STRN3: variants seen among roughly 807,000 people sequenced by gnomAD.
The protein encoded by STRN3 is striatin-3.
STRN3 carries 29 observed loss-of-function variants against 95.6 expected under a neutral mutation model. The ratio of observed to expected loss-of-function variants is 0.30; its 90% CI spans 0.23 to 0.41. The LOEUF is 0.41. STRN3 is among the 10% of genes least tolerant of loss of function. The pLI is 1.00. For missense variants in STRN3, 890 were observed against 972.1 expected (o/e 0.92, Z 1.12); for synonymous variants, 331 against 357.6 (o/e 0.93, Z 0.84).
At chr14:30,949,573 T>C (rs1366747353) in intron 4 of STRN3, among the ~76,000 whole-genome samples, 1 of 152,036 alleles carries the variant, frequency 6.6e-6, no homozygotes, top group Non-Finnish European at 1.5e-5. Context: ...ATGGCGCCAC[T>C]GTACTCCAGC....
At chr14:30,981,790 AT>A (rs1276894285) in intron 1 of STRN3, among the ~76,000 whole-genome samples, 1 of 152,186 alleles carries the variant, frequency 6.6e-6, no homozygotes, top group Non-Finnish European at 1.5e-5. Flanking sequence ...ACGTTTTCCA[AT>A]TTTATTGATA....
intron 8 of STRN3, among the ~76,000 whole-genome samples, chr14:30,922,015 T>C (rs113118461): frequency 0.1 from 15,201 of 151,924 alleles, 832 homozygotes; most frequent in South Asian, 0.17. Flanking sequence ...GCCTGCCCAG[T>C]AGCTGGGACC....
intron 16 of STRN3, among the ~76,000 whole-genome samples, chr14:30,902,012 A>G (rs1046782056): frequency 1.3e-5 from 2 of 151,856 alleles, no homozygotes; most frequent in Non-Finnish European, 2.9e-5. Context: ...TACTAAAAAT[A>G]CAAAAAAAAT....
chr14:30,984,266 T>TAAAAAAAAAA (rs755650146), intron 1 of STRN3, among the ~76,000 whole-genome samples: 2 of 86,856 alleles, frequency 2.3e-5, no homozygotes, highest in East Asian at 4.5e-4. Context: ...TGAGGAATTC[T>TAAAAAAAAAA]AAAAAAAAAA....
intron 1 of STRN3, among the ~76,000 whole-genome samples, chr14:30,992,418 A>G (rs866488574): frequency 6.6e-5 from 10 of 151,522 alleles, no homozygotes; most frequent in African/African-American, 1.9e-4. Context: ...AAAAAAAAAG[A>G]AAAGGAAAGA....
At chr14:30,974,895 C>A (rs1374691598) in intron 1 of STRN3, among the ~76,000 whole-genome samples, 3 of 151,834 alleles carry the variant, frequency 2.0e-5, no homozygotes, top group African/African-American at 7.3e-5. Context: ...AAAAATGACA[C>A]AGACTTGCTT....
chr14:30,929,161 T>C (rs569430655), intron 8 of STRN3, 40 bp downstream of exon 8: 5 of 1,511,290 alleles, frequency 3.3e-6, no homozygotes, highest in African/African-American at 1.4e-5. Context: ...TTCTCAATTA[T>C]TGGTATACAA....
At chr14:31,020,226 C>T (rs769679526) in intron 1 of STRN3, among the ~76,000 whole-genome samples, 10 of 152,150 alleles carry the variant, frequency 6.6e-5, no homozygotes, top group Non-Finnish European at 1.5e-4. Context: ...AGGTCAGGCG[C>T]AGTGGCTCAT....
chr14:30,996,886 G>A (rs1024190096), intron 1 of STRN3, among the ~76,000 whole-genome samples: 3 of 151,956 alleles, frequency 2.0e-5, no homozygotes, highest in African/African-American at 7.3e-5. Flanking sequence ...AAATTGTAAT[G>A]TATCAGGTAT....
At chr14:31,004,610 C>T (rs1882631224) in intron 1 of STRN3, among the ~76,000 whole-genome samples, 1 of 151,518 alleles carries the variant, frequency 6.6e-6, no homozygotes, top group African/African-American at 2.4e-5. Context: ...CCTGTCTCTA[C>T]CAAAAATACA....
intron 10 of STRN3, 53 bp from the exon 11 acceptor site, chr14:30,912,235 T>A (rs775556010): frequency 4.5e-6 from 7 of 1,541,844 alleles, no homozygotes; most frequent in Non-Finnish European, 6.1e-6. Context: ...CTGGAAGGCA[T>A]GTGGAGTGTT....
chr14:30,972,326 C>A (rs1458141467), intron 1 of STRN3, among the ~76,000 whole-genome samples: 4 of 152,102 alleles, frequency 2.6e-5, no homozygotes, highest in Non-Finnish European at 4.4e-5. Flanking sequence ...ATTAGCCAAT[C>A]GGAATTAGTT....
chr14:30,900,296 T>C (rs1208253941), intron 16 of STRN3, among the ~76,000 whole-genome samples: 1 of 150,130 alleles, frequency 6.7e-6, no homozygotes, highest in African/African-American at 2.4e-5. Context: ...GAGGCAGAGG[T>C]TGCAGTGAGC....
intron 1 of STRN3, among the ~76,000 whole-genome samples, chr14:30,974,106 A>G (rs1419384720): frequency 6.6e-6 from 1 of 152,220 alleles, no homozygotes; most frequent in African/African-American, 2.4e-5. Context: ...ATTCCTATCA[A>G]TTAGGAAACA....
intron 3 of STRN3, among the ~76,000 whole-genome samples, chr14:30,951,358 C>G (rs1023494268): frequency 3.3e-5 from 5 of 151,950 alleles, no homozygotes; most frequent in African/African-American, 1.2e-4. Flanking sequence ...CTCAGCCTCT[C>G]GAGTAGCTGG....
chr14:30,957,339 G>T (rs1204476693), intron 1 of STRN3, among the ~76,000 whole-genome samples: 2 of 151,494 alleles, frequency 1.3e-5, no homozygotes, highest in African/African-American at 4.9e-5. Flanking sequence ...TGTAGTCCCA[G>T]CTGCTCGGGA....
intron 1 of STRN3, among the ~76,000 whole-genome samples, chr14:31,019,828 C>T (rs987395049): frequency 2.0e-5 from 3 of 151,888 alleles, no homozygotes; most frequent in Non-Finnish European, 2.9e-5. Context: ...CTTTAGGATA[C>T]TGATGTTACC....
chr14:30,948,047 G>A (rs1331701137), intron 4 of STRN3, among the ~76,000 whole-genome samples: 1 of 149,304 alleles, frequency 6.7e-6, no homozygotes, highest in Non-Finnish European at 1.5e-5. Context: ...AGTAAAAATG[G>A]AGGAGAATAA....
chr14:30,993,312 A>G (rs560129244), intron 1 of STRN3, among the ~76,000 whole-genome samples: 1 of 152,110 alleles, frequency 6.6e-6, no homozygotes, highest in South Asian at 2.1e-4. Flanking sequence ...TGACTTCAGT[A>G]AGTACTGGAT....
Sources: allele counts gnomAD v4.1 joint callset (sites outside exome capture counted in the v4.1 genomes callset), GRCh38; gene constraint gnomAD v4.1.1; transcripts MANE v1.5; gene names NCBI Gene and HGNC (gene_info 2026-07-23, HGNC 2026-07-21).